The following TMC1 variants were observed in gnomAD, a reference collection of about 807,000 sequenced individuals.
TMC1 encodes transmembrane channel like 1.
TMC1 carries 84 observed loss-of-function variants against 105.8 expected under a neutral mutation model. The observed-to-expected ratio is 0.79, with a 90% CI of 0.67 to 0.95. TMC1 has a LOEUF of 0.95. Among genes scored for constraint, TMC1 ranks in the 40% least tolerant of loss-of-function variants. TMC1 has a pLI of 0.00. For synonymous variants in TMC1, 315 were observed against 311.5 expected, an observed-to-expected ratio of 1.01 and a Z score of -0.12; for missense variants, 817 against 914.1, an observed-to-expected ratio of 0.89 and a Z score of 1.37.
At chr9:72,743,578 A>AAAG (rs1554724450) in intron 10 of TMC1, among the ~76,000 whole-genome samples, 13 of 149,372 alleles carry the variant, frequency 8.7e-5, no homozygotes, top group African/African-American at 2.0e-4. Context: ...AAAAAAAAAA[A>AAAG]AAAGAAAGAA....
chr9:72,700,125 G>A (rs1436197147), intron 7 of TMC1, among the ~76,000 whole-genome samples: 1 of 151,322 alleles, frequency 6.6e-6, no homozygotes, highest in East Asian at 1.9e-4. Context: ...CTAGGTGGTG[G>A]GCGCCTGTAA....
At chr9:72,804,225 C>G (rs2118235037) in intron 17 of TMC1, among the ~76,000 whole-genome samples, 1 of 152,002 alleles carries the variant, frequency 6.6e-6, no homozygotes, top group South Asian at 2.1e-4. Context: ...CACACTGGAG[C>G]CTGGTCGGGG....
At position 72,606,998 on chromosome 9, in the gene TMC1, TATATAGAG is replaced by T. The variant is rs200563479; in HGVS notation, c.-305-9368_-305-9361del. ...GTGTGTGTGCATATATATATATATATATATAGAGAGAGAGAGAGAGAGAGAGAGAAAGA... is the reference window on the plus strand; with the variant it reads ...GTGTGTGTGCATATATATATATATATAGAGAGAGAGAGAGAGAGAGAAAGA... On this transcript the variant is annotated intron_variant, in intron 2 of 23. Transcript: ENST00000297784. Among the ~76,000 whole-genome samples the T allele has an allele frequency of 5.8e-4, 68 of 117,274 alleles. No individual in the cohort carries two copies. In the East Asian group the frequency reaches 0.014, roughly 25 times the overall value. The allele number at this position is 117,274 out of a possible 152,430, so 76.9% of individuals were successfully genotyped here.
At chr9:72,522,816 A>G (rs1823337409) in intron 1 of TMC1, among the ~76,000 whole-genome samples, 1 of 152,230 alleles carries the variant, frequency 6.6e-6, no homozygotes, top group African/African-American at 2.4e-5. Flanking sequence ...GAATAGGGTC[A>G]TATTTTAAAG....
intron 3 of TMC1, among the ~76,000 whole-genome samples, chr9:72,621,015 C>G (rs754866035): frequency 6.6e-6 from 1 of 152,160 alleles, no homozygotes; most frequent in African/African-American, 2.4e-5. Context: ...ACTTGGCAAC[C>G]AAGTGAGCCA....
At chr9:72,637,943 T>A (rs1017418022) in intron 4 of TMC1, among the ~76,000 whole-genome samples, 2 of 152,234 alleles carry the variant, frequency 1.3e-5, no homozygotes, top group African/African-American at 4.8e-5. Context: ...GGTGGCCTAG[T>A]ACATTTTAAA....
chr9:72,814,481 G>A (rs1365366889), intron 18 of TMC1, among the ~76,000 whole-genome samples: 1 of 152,074 alleles, frequency 6.6e-6, no homozygotes, highest in Non-Finnish European at 1.5e-5. Context: ...CTAGAAAGTC[G>A]GCAAACTAAC....
chr9:72,735,588 T>C (rs1485453703), intron 8 of TMC1, among the ~76,000 whole-genome samples: 1 of 152,238 alleles, frequency 6.6e-6, no homozygotes, highest in Non-Finnish European at 1.5e-5. Context: ...CAATGAAATA[T>C]GTTTTCTGGT....
chr9:72,821,125 G>A (rs1460238663), intron 20 of TMC1, 44 bp downstream of exon 20: 9 of 1,613,586 alleles, frequency 5.6e-6, no homozygotes, highest in Non-Finnish European at 6.8e-6. Context: ...TGTTCTTTCG[G>A]GGGTGGAGGT....
At chr9:72,593,462 G>A (rs757922930) in intron 2 of TMC1, among the ~76,000 whole-genome samples, 1 of 151,940 alleles carries the variant, frequency 6.6e-6, no homozygotes, top group Non-Finnish European at 1.5e-5. Flanking sequence ...GCAATGGCAT[G>A]ATCTCAGCTC....
At chr9:72,658,035 T>C (rs1237142799) in intron 5 of TMC1, among the ~76,000 whole-genome samples, 1 of 152,194 alleles carries the variant, frequency 6.6e-6, no homozygotes, top group African/African-American at 2.4e-5. Context: ...AGCACAGTGA[T>C]TAAATTATCC....
rs139781735 is a variant in TMC1, at chr9:72,742,073, A to T, written c.454-371A>T. ...TTATTTTTATTATTTATTTTATTTA[A>T]TTATTCATATTGAGTCCTTCATACA... On this transcript the variant is annotated intron_variant, in intron 9 of 23. Coordinates refer to ENST00000297784, the MANE Select transcript of TMC1 (RefSeq NM_138691.3). 1.4e-3 allele frequency among the ~76,000 whole-genome samples: 220 copies of T among 152,222 alleles called. 2 individuals are homozygous for T. The highest frequency in any genetic ancestry group is 5.1e-3 in the African/African-American group (210 of 41,560).
chr9:72,805,254 TTTC>T, intron 17 of TMC1, 125 bp from the exon 18 acceptor site: 1 of 877,922 alleles, frequency 1.1e-6, no homozygotes. Flanking sequence ...GACTAGTTGT[TTTC>T]TTCTTTTGCC....
intron 12 of TMC1, among the ~76,000 whole-genome samples, chr9:72,759,539 G>C (rs2118083174): frequency 6.6e-6 from 1 of 152,198 alleles, no homozygotes; most frequent in South Asian, 2.1e-4. Context: ...GTTTTAGTAG[G>C]ATTTGGTATT....
intron 5 of TMC1, among the ~76,000 whole-genome samples, chr9:72,662,498 CT>C: frequency 6.6e-6 from 1 of 152,044 alleles, no homozygotes; most frequent in African/African-American, 2.4e-5. Flanking sequence ...TGCCTGGCCT[CT>C]TTTTAAGTGT....
At chr9:72,769,230 G>A (rs1827886667) in intron 12 of TMC1, among the ~76,000 whole-genome samples, 1 of 152,154 alleles carries the variant, frequency 6.6e-6, no homozygotes, top group African/African-American at 2.4e-5. Context: ...AGTGATAGCA[G>A]CTATTGAATT....
At chr9:72,545,844 G>A (rs181038441) in intron 1 of TMC1, among the ~76,000 whole-genome samples, 8 of 151,882 alleles carry the variant, frequency 5.3e-5, no homozygotes, top group South Asian at 2.1e-4. Flanking sequence ...ATCCTATTGC[G>A]CAGTAATTTT....
intron 8 of TMC1, among the ~76,000 whole-genome samples, chr9:72,738,013 A>G (rs1827327781): frequency 2.0e-5 from 3 of 152,160 alleles, no homozygotes; most frequent in African/African-American, 4.8e-5. Context: ...AGCATTAATT[A>G]TTGTGGAAAA....
chr9:72,558,614 G>A (rs558339652), intron 1 of TMC1, among the ~76,000 whole-genome samples: 4 of 152,324 alleles, frequency 2.6e-5, no homozygotes, highest in African/African-American at 9.6e-5. Context: ...TCTACTTGAA[G>A]AGGGCAGACA....
Sources: allele counts gnomAD v4.1 joint callset (sites outside exome capture counted in the v4.1 genomes callset), GRCh38; gene constraint gnomAD v4.1.1; transcripts MANE v1.5; gene names NCBI Gene and HGNC (gene_info 2026-07-23, HGNC 2026-07-21).